Variants in HSD11B1L observed in about 807,000 individuals in gnomAD.
HSD11B1L encodes the protein hydroxysteroid 11-beta-dehydrogenase 1-like protein.
HSD11B1L carries 22 observed loss-of-function variants against 27.0 expected under a neutral mutation model. The observed-to-expected ratio is 0.81, with a 90% confidence interval of 0.58 to 1.16. The LOEUF (loss-of-function observed/expected upper bound fraction) is 1.16. HSD11B1L is among the 50% of genes most tolerant of loss of function. The probability of loss-of-function intolerance (pLI) is 0.00; values close to 1 mark genes in which losing one functional copy is unlikely to be tolerated. For synonymous variants in HSD11B1L, 187 were observed against 189.2 expected (o/e 0.99, Z 0.09); for missense variants, 372 against 401.8 (o/e 0.93, Z 0.63).
In HSD11B1L at chr19:5,685,171, AAG is replaced by A; in HGVS notation, c.204+57_204+58del. ...GGTGGGGGTGCTCATGGGGGGTGGGAAGAGAGCCTGGGTTTAATCCCTGCAAT... is the reference window on the plus strand; with the variant it reads ...GGTGGGGGTGCTCATGGGGGGTGGGAAGAGCCTGGGTTTAATCCCTGCAAT... On this transcript the variant is annotated intron_variant, in intron 3 of 7. Transcript: ENST00000339423. This position sits in a 1 kb window ranked among gnomAD's most constrained non-coding sequence, Gnocchi z 4.3. The A allele has an allele frequency of 6.5e-7, 1 of 1,534,920 alleles. No homozygotes were observed. Among genetic ancestry groups the A allele is most frequent in the Non-Finnish European group, 8.7e-7 (1 of 1,144,578 alleles).
chr19:5,685,721 G>A lies in HSD11B1L; in HGVS notation c.204+602G>A, dbSNP rs186191253. On this transcript the variant is annotated intron_variant, in intron 3 of 7. Transcript: ENST00000339423. The surrounding 1 kb of genome is among the most constrained non-coding windows in gnomAD (Gnocchi z 4.3). ...CCACTGCACTCCAGCCTGGGTGACA[G>A]AGCGATACTCCATCTCAAAAAAAAG... 71 of 151,736 alleles carry A rather than the reference G, an allele frequency of 4.7e-4. No individual in the cohort carries two copies. Among genetic ancestry groups the A allele is most frequent in the Admixed American group, 1.1e-3 (17 of 15,296 alleles). The allele number at this position is 151,736 out of a possible 1,614,324, so 9.4% of individuals were successfully genotyped here. A position where few individuals can be genotyped will look rare whatever the true frequency, so the allele number is the denominator to read the frequency against.
Position 5,685,167 on chromosome 19 carries a change from TG to T in HSD11B1L, c.204+51del. 6.5e-7 allele frequency: 1 copy of T among 1,535,292 alleles called. No homozygotes were observed. On this transcript the variant is annotated intron_variant, in intron 3 of 7. Transcript: ENST00000339423. The surrounding 1 kb of genome is among the most constrained non-coding windows in gnomAD (Gnocchi z 4.3). ...GAATGGTGGGGGTGCTCATGGGGGG[TG>T]GGAAGAGAGCCTGGGTTTAATCCCT...
rs754458782 is a variant in HSD11B1L at position 5,687,546 on chromosome 19, G to A, written c.546G>A (p.Lys182=). The change falls in exon 7 of 8, where the codon AAG becomes AAA. Residue 182 remains lysine (K), a synonymous_variant. Coordinates refer to ENST00000339423, the MANE Select transcript of HSD11B1L (RefSeq NM_198706.3). The surrounding 1 kb of genome is among the most constrained non-coding windows in gnomAD (Gnocchi z 6.6). ...TCTCCACTCCCTACTCGGCGGCCAA[G>A]TTTGCGCTGGACGGCTTCTTCGGCT... ...TSFSTPYSAA[K]FALDGFFGSL... 9.4e-6 allele frequency: 15 copies of A among 1,599,868 alleles called. No individual in the cohort carries two copies. Among genetic ancestry groups the A allele is most frequent in the Non-Finnish European group, 1.3e-5 (15 of 1,179,516 alleles).
intron 1 of HSD11B1L, among the ~76,000 whole-genome samples, chr19:5,683,015 C>T (rs374913319): frequency 1.3e-5 from 2 of 151,768 alleles, no homozygotes; most frequent in East Asian, 1.9e-4. Flanking sequence ...CTAGCTGCTC[C>T]ATTGGCTGGG....
intron 1 of HSD11B1L, chr19:5,684,063 C>T: frequency 2.1e-6 from 1 of 482,724 alleles, no homozygotes; most frequent in Non-Finnish European, 3.7e-6. Flanking sequence ...ACAACTTCTG[C>T]CTCCCAGGTT....
chr19:5,682,401 G>A (rs554341394), intron 1 of HSD11B1L, among the ~76,000 whole-genome samples: 25 of 152,236 alleles, frequency 1.6e-4, no homozygotes, highest in African/African-American at 6.0e-4. Context: ...TAGGAGGGAG[G>A]TGACAATCTG....
At chr19:5,683,631 C>G (rs1397010421) in intron 1 of HSD11B1L, among the ~76,000 whole-genome samples, 1 of 152,156 alleles carries the variant, frequency 6.6e-6, no homozygotes, top group Non-Finnish European at 1.5e-5. Context: ...GTGGTTCACA[C>G]CTGTAATCCC....
chr19:5,687,037 A>T lies in HSD11B1L; in HGVS notation c.408+46A>T, dbSNP rs754078307. The stretch of plus-strand genomic sequence containing the variant: ...CCCGGCCCGCCCCTCTATCTCAGGG[A>T]CCGGTGGTCCGTTCCCTTCGCGGTC... On this transcript the variant is annotated intron_variant, in intron 5 of 7. Transcript: ENST00000339423. This position sits in a 1 kb window ranked among gnomAD's most constrained non-coding sequence, Gnocchi z 6.6. The T allele has an allele frequency of 6.8e-7, 1 of 1,471,390 alleles. No homozygotes were observed. Among genetic ancestry groups the T allele is most frequent in the Non-Finnish European group, 9.2e-7 (1 of 1,086,538 alleles). The allele number at this position is 1,471,390 out of a possible 1,614,324, so 91.1% of individuals were successfully genotyped here. A position where few individuals can be genotyped will look rare whatever the true frequency, so the allele number is the denominator to read the frequency against.
chr19:5,688,461 A>G lies in HSD11B1L; in HGVS notation c.*516A>G. On this transcript the variant is annotated 3_prime_UTR_variant, in exon 8 of 8. Transcript: ENST00000339423. Reference sequence around the variant, plus strand: ...GGGTCTGAGCGGGAGGAGGAGGGAAAGAGTGTGTTCTGAGCTGGACCCAGC... The same window carrying G: ...GGGTCTGAGCGGGAGGAGGAGGGAAGGAGTGTGTTCTGAGCTGGACCCAGC... 1.9e-6 allele frequency: 1 copy of G among 514,216 alleles called. No homozygotes were observed. Among genetic ancestry groups the G allele is most frequent in the South Asian group, 2.6e-5 (1 of 38,884 alleles). 31.9% of individuals were successfully genotyped at this position (514,216 alleles called of 1,614,324 possible).
In HSD11B1L at chr19:5,686,482, C is replaced by T. The variant is rs1310002782; in HGVS notation, c.271C>T (p.Pro91Ser). Residue 91 changes from proline to serine, a missense_variant, in exon 4 of 8, where the codon CCT becomes TCT. Coordinates refer to ENST00000339423, the MANE Select transcript of HSD11B1L (RefSeq NM_198706.3). ...VFYIAADMASPEAPESVVQFA... is the reference protein window; with the variant it reads ...VFYIAADMASSEAPESVVQFA... Reference sequence around the variant, plus strand: ...CTACATCGCGGCGGACATGGCCTCCCCTGAGGCGCCCGAGAGCGTGGTGCA... The same window carrying T: ...CTACATCGCGGCGGACATGGCCTCCTCTGAGGCGCCCGAGAGCGTGGTGCA... 2 of 1,586,440 alleles carry T rather than the reference C, an allele frequency of 1.3e-6. No homozygotes were observed. The highest frequency in any genetic ancestry group is 1.3e-5 in the African/African-American group (1 of 74,802).
chr19:5,683,109 G>A (rs1340554480), intron 1 of HSD11B1L, among the ~76,000 whole-genome samples: 1 of 147,994 alleles, frequency 6.8e-6, no homozygotes, highest in Non-Finnish European at 1.5e-5. Flanking sequence ...GGCTGGTCTC[G>A]AACTCCCAGC....
At position 5,687,375 on chromosome 19, in the gene HSD11B1L, G is replaced by A. The variant is rs1284992706; in HGVS notation, c.502G>A (p.Gly168Ser). ...GSLVVVSSLLGRVPTSFSTPY... is the reference protein window; with the variant it reads ...GSLVVVSSLLSRVPTSFSTPY... ...CCTGGTGGTGGTGTCCTCGCTGCTC[G>A]GTGCGTGCACCCGGCCCCGGCTCTG... Residue 168 changes from glycine (G) to serine (S), a missense_variant and splice_region_variant, in exon 6 of 8, where the codon GGC (glycine) becomes AGC (serine). By Grantham distance (56) the Gly-to-Ser change is moderately conservative. Transcript: ENST00000339423. This position sits in a 1 kb window ranked among gnomAD's most constrained non-coding sequence, Gnocchi z 6.6. 1 of 1,611,550 alleles carries A rather than the reference G, an allele frequency of 6.2e-7. No homozygotes were observed. The highest frequency in any genetic ancestry group is 8.5e-7 in the Non-Finnish European group (1 of 1,179,604).
chr19:5,685,294 CT>C lies in HSD11B1L; in HGVS notation c.204+176del. ...AAAACGGGGACAATAAAACCACTTT[CT>C]GGCCAGGCACGGTGGCTCACGCTTG... On this transcript the variant is annotated intron_variant, in intron 3 of 7. Transcript: ENST00000339423. This position sits in a 1 kb window ranked among gnomAD's most constrained non-coding sequence, Gnocchi z 4.3. 1.1e-6 allele frequency: 1 copy of C among 879,050 alleles called. No individual in the cohort carries two copies. The highest frequency in any genetic ancestry group is 1.8e-6 in the Non-Finnish European group (1 of 547,936). 54.5% of individuals were successfully genotyped at this position (879,050 alleles called of 1,614,324 possible). A position where few individuals can be genotyped will look rare whatever the true frequency, so the allele number is the denominator to read the frequency against.
rs1467553605 is a variant in HSD11B1L at position 5,687,951 on chromosome 19, G to C, written c.*6G>C. ...TCACGGCCGCGGCAGCCTGAGCACC[G>C]GGGGGTGCCCCTCCAGTCCCAGACG... is the stretch of plus-strand genomic sequence containing the variant. On this transcript the variant is annotated 3_prime_UTR_variant, in exon 8 of 8. Coordinates refer to ENST00000339423, the MANE Select transcript of HSD11B1L (RefSeq NM_198706.3). The surrounding 1 kb of genome is among the most constrained non-coding windows in gnomAD (Gnocchi z 6.6). The C allele has an allele frequency of 2.6e-6, 4 of 1,558,416 alleles. No homozygotes were observed. The highest frequency in any genetic ancestry group is 3.3e-4 in the Middle Eastern group (2 of 5,998).
intron 1 of HSD11B1L, among the ~76,000 whole-genome samples, chr19:5,681,549 TC>T (rs1293462898): frequency 6.7e-6 from 1 of 148,740 alleles, no homozygotes; most frequent in Non-Finnish European, 1.5e-5. Flanking sequence ...ATCCATCTGC[TC>T]CCCCCATCCT....
rs1206979115 is a variant in HSD11B1L, at chr19:5,688,210, C to T, written c.*265C>T. 4 of 1,541,102 alleles carry T rather than the reference C, an allele frequency of 2.6e-6. No individual in the cohort carries two copies. In the Admixed American group the frequency reaches 8.0e-5, roughly 31 times the overall value. On this transcript the variant is annotated 3_prime_UTR_variant, in exon 8 of 8. Coordinates refer to ENST00000339423, the MANE Select transcript of HSD11B1L (RefSeq NM_198706.3). ...GCCATGATTGATGACGTGACTGCTT[C>T]CATTTTGCAGATGAGGAAACTAAGG...
At chr19:5,682,810 CTTTTTTTTTTTTTT>C (rs5826895) in intron 1 of HSD11B1L, among the ~76,000 whole-genome samples, 1 of 95,380 alleles carries the variant, frequency 1.0e-5, no homozygotes, top group Non-Finnish European at 2.1e-5. Context: ...GTCCCATTGA[CTTTTTTTTTTTTTT>C]TTTTTTTTTT....
intron 1 of HSD11B1L, among the ~76,000 whole-genome samples, chr19:5,683,208 C>CAAAAAAAAAAAAAAAAAAAAAAAAAAA (rs1168433209): frequency 2.0e-5 from 1 of 51,102 alleles, no homozygotes. Flanking sequence ...AACTCAGTCT[C>CAAAAAAAAAAAAAAAAAAAAAAAAAAA]AAAAAAAAAA....
Position 5,687,356 on chromosome 19 carries a change from G to C in HSD11B1L, c.483G>C (p.Val161=). 6.2e-7 allele frequency: 1 copy of C among 1,612,562 alleles called. No homozygotes were observed. The highest frequency in any genetic ancestry group is 1.3e-5 in the African/African-American group (1 of 75,022). Residue 161 remains valine (V), a synonymous_variant, in exon 6 of 8, where the codon GTG becomes GTC. Transcript: ENST00000339423. The surrounding 1 kb of genome is among the most constrained non-coding windows in gnomAD (Gnocchi z 6.6). ...TGACGGACAGCAAGGGCTCCCTGGTGGTGGTGTCCTCGCTGCTCGGTGCGT... is the reference window on the plus strand; with the variant it reads ...TGACGGACAGCAAGGGCTCCCTGGTCGTGGTGTCCTCGCTGCTCGGTGCGT... ...PSLTDSKGSL[V]VVSSLLGRVP... is the part of the protein sequence containing the mutation.
Sources: allele counts gnomAD v4.1 joint callset (sites outside exome capture counted in the v4.1 genomes callset), GRCh38; gene constraint gnomAD v4.1.1; non-coding constraint Gnocchi (gnomAD v3.1); transcripts MANE v1.5; gene names NCBI Gene and HGNC (gene_info 2026-07-23, HGNC 2026-07-21).